The following DENND5B variants were observed in gnomAD, a reference collection of about 807,000 sequenced individuals.
DENND5B encodes DENN domain containing 5B.
In DENND5B, 34 loss-of-function variants were observed where a neutral mutation model predicts 140.6. The observed-to-expected ratio is 0.24, with a 90% confidence interval of 0.18 to 0.32. The LOEUF (loss-of-function observed/expected upper bound fraction) is 0.32. DENND5B is among the 10% of genes least tolerant of loss of function. DENND5B has a pLI of 1.00. For missense variants in DENND5B, 1,142 were observed against 1,560.2 expected (o/e 0.73, Z 4.52); for synonymous variants, 551 against 562.1 (o/e 0.98, Z 0.28).
intron 1 of DENND5B, among the ~76,000 whole-genome samples, chr12:31,578,811 G>A (rs765097339): frequency 1.3e-5 from 2 of 152,218 alleles, no homozygotes; most frequent in Non-Finnish European, 2.9e-5. Flanking sequence ...TTTGCAGCCA[G>A]ACAGCCTGGG....
chr12:31,408,744 G>A (rs879658842), intron 14 of DENND5B, among the ~76,000 whole-genome samples: 6 of 150,478 alleles, frequency 4.0e-5, no homozygotes, highest in Non-Finnish European at 8.8e-5. Context: ...ATGTGTTTTC[G>A]TTAAGATATT....
At chr12:31,405,609 G>A (rs909876714) in intron 14 of DENND5B, among the ~76,000 whole-genome samples, 2 of 152,082 alleles carry the variant, frequency 1.3e-5, no homozygotes, top group Non-Finnish European at 2.9e-5. Flanking sequence ...GTGCAGTGGT[G>A]CAATCTCAGC....
At chr12:31,502,330 C>CA (rs113701573) in intron 1 of DENND5B, among the ~76,000 whole-genome samples, 35 of 146,450 alleles carry the variant, frequency 2.4e-4, no homozygotes, top group Middle Eastern at 3.5e-3. Context: ...AAAACAAAAA[C>CA]AAAAAAAACA....
chr12:31,586,869 A>C (rs1404421842), intron 1 of DENND5B, among the ~76,000 whole-genome samples: 1 of 152,270 alleles, frequency 6.6e-6, no homozygotes, highest in Non-Finnish European at 1.5e-5. Flanking sequence ...AAACTTGACT[A>C]TCATTAACTT....
intron 6 of DENND5B, among the ~76,000 whole-genome samples, chr12:31,443,633 T>A (rs973937491): frequency 5.3e-5 from 8 of 152,208 alleles, no homozygotes; most frequent in Admixed American, 5.2e-4. Context: ...TTTCTTGAGC[T>A]GAAATACAAG....
At chr12:31,389,115 C>A (rs1940996531) in intron 20 of DENND5B, among the ~76,000 whole-genome samples, 1 of 152,036 alleles carries the variant, frequency 6.6e-6, no homozygotes, top group African/African-American at 2.4e-5. Context: ...TTAAAGAAAC[C>A]CAAGGGAGGA....
In DENND5B at chr12:31,384,164, C is replaced by T. The variant is rs1940750608; in HGVS notation, c.*3439G>A. On this transcript the variant is annotated 3_prime_UTR_variant, in exon 21 of 21. Transcript: ENST00000389082. ...AAACTTTTGGTATAACTTAGAGACACTTATGAGCCACATAAAAACTAAGTC... is the reference window on the plus strand; with the variant it reads ...AAACTTTTGGTATAACTTAGAGACATTTATGAGCCACATAAAAACTAAGTC... 6.6e-6 allele frequency: 1 copy of T among 152,126 alleles called. No individual in the cohort carries two copies. Among genetic ancestry groups the T allele is most frequent in the African/African-American group, 2.4e-5 (1 of 41,440 alleles). 9.4% of individuals were successfully genotyped at this position (152,126 alleles called of 1,614,324 possible). A position where few individuals can be genotyped will look rare whatever the true frequency, so the allele number is the denominator to read the frequency against.
chr12:31,454,438 A>G (rs569908535), intron 4 of DENND5B, among the ~76,000 whole-genome samples: 2 of 152,210 alleles, frequency 1.3e-5, no homozygotes, highest in South Asian at 4.2e-4. Flanking sequence ...CACTGCCTAC[A>G]CCATTCTTTT....
intron 3 of DENND5B, among the ~76,000 whole-genome samples, chr12:31,474,625 G>C (rs1234073566): frequency 1.3e-5 from 2 of 152,134 alleles, no homozygotes; most frequent in Non-Finnish European, 2.9e-5. Context: ...TTCACTTTGG[G>C]TTTTCATGGT....
At chr12:31,393,169 C>G (rs1244861433) in intron 17 of DENND5B, among the ~76,000 whole-genome samples, 1 of 152,098 alleles carries the variant, frequency 6.6e-6, no homozygotes, top group Non-Finnish European at 1.5e-5. Context: ...GTGAAATGTT[C>G]CCTTATGCTA....
rs114415291 is a variant in DENND5B at position 31,453,232 on chromosome 12, C to T, written c.1093-756G>A. On this transcript the variant is annotated intron_variant, in intron 4 of 20. Coordinates refer to ENST00000389082, the MANE Select transcript of DENND5B (RefSeq NM_144973.4). ...AGAGGCAAGTGCATATGTAACTATG[C>T]ACTTGATTAACCTTTGAATAATTAA... is the stretch of plus-strand genomic sequence containing the variant. Among the ~76,000 whole-genome samples, 1,457 of 152,250 alleles carry T rather than the reference C, an allele frequency of 9.6e-3. 26 individuals carry two copies. Among genetic ancestry groups the T allele is most frequent in the African/African-American group, 0.033 (1,379 of 41,532 alleles).
chr12:31,564,082 C>T (rs1274979717), intron 1 of DENND5B, among the ~76,000 whole-genome samples: 1 of 152,162 alleles, frequency 6.6e-6, no homozygotes, highest in African/African-American at 2.4e-5. Flanking sequence ...CACACCACTG[C>T]ACTCCAGCCT....
chr12:31,439,579 G>A (rs925293391), intron 7 of DENND5B, among the ~76,000 whole-genome samples: 3 of 151,722 alleles, frequency 2.0e-5, no homozygotes, highest in African/African-American at 7.3e-5. Flanking sequence ...CTCACATATA[G>A]TAAGAGTTCC....
In DENND5B at chr12:31,479,970, G is replaced by A. The variant is rs1158217802; in HGVS notation, c.523C>T (p.Arg175Ter). Residue 175 changes from arginine (R) to a stop codon, truncating the protein, a stop_gained, in exon 3 of 21, where the codon CGA becomes TGA. Transcript: ENST00000389082. LOFTEE classifies it high-confidence loss of function. ...GDTTSLLKLQ[R>*]YNSYDISRDT... ...CTGCTAATATCATAGGAGTTGTATC[G>A]CTGGAGTTTCAAAAGGGAAGTTGTA... 1.2e-6 allele frequency: 2 copies of A among 1,613,936 alleles called. No homozygotes were observed. The highest frequency in any genetic ancestry group is 1.7e-6 in the Non-Finnish European group (2 of 1,179,878).
intron 1 of DENND5B, among the ~76,000 whole-genome samples, chr12:31,533,968 T>A (rs1200632661): frequency 6.6e-6 from 1 of 152,052 alleles, no homozygotes; most frequent in African/African-American, 2.4e-5. Context: ...AGTAACTGGC[T>A]ATGGTAATGT....
At chr12:31,501,263 C>T (rs930056531) in intron 1 of DENND5B, among the ~76,000 whole-genome samples, 7 of 152,238 alleles carry the variant, frequency 4.6e-5, no homozygotes, top group African/African-American at 1.4e-4. Flanking sequence ...GGGCTTTCCC[C>T]CACTTCACTC....
chr12:31,430,480 C>T (rs1262375874), intron 8 of DENND5B, among the ~76,000 whole-genome samples: 4 of 125,906 alleles, frequency 3.2e-5, no homozygotes, highest in East Asian at 2.4e-4. Context: ...GGTGAAACCC[C>T]GTCTCTACTA....
intron 2 of DENND5B, among the ~76,000 whole-genome samples, chr12:31,486,295 A>G (rs545984893): frequency 1.2e-4 from 18 of 152,346 alleles, no homozygotes; most frequent in Admixed American, 2.6e-4. Context: ...TGGAGTACAC[A>G]ATAACAAAGT....
At chr12:31,425,170 G>A (rs1943178531) in intron 9 of DENND5B, among the ~76,000 whole-genome samples, 1 of 152,202 alleles carries the variant, frequency 6.6e-6, no homozygotes, top group Non-Finnish European at 1.5e-5. Flanking sequence ...AGTTAGCCGG[G>A]CAGTAGTGGC....
Sources: allele counts gnomAD v4.1 joint callset (sites outside exome capture counted in the v4.1 genomes callset), GRCh38; gene constraint gnomAD v4.1.1; transcripts MANE v1.5; gene names NCBI Gene and HGNC (gene_info 2026-07-23, HGNC 2026-07-21).